The following IGFBP5 variants were observed in gnomAD, a reference collection of about 807,000 sequenced individuals.
IGFBP5 encodes the protein insulin-like growth factor-binding protein 5.
IGFBP5 carries 12 observed loss-of-function variants against 28.0 expected under a neutral mutation model. The ratio of observed to expected loss-of-function variants is 0.43; its 90% CI spans 0.27 to 0.69. The LOEUF is 0.69. Ranked by LOEUF, IGFBP5 falls within the 30% of genes least tolerant of loss-of-function variation. The pLI, the probability that IGFBP5 is intolerant of heterozygous loss-of-function variation, is 0.20. For synonymous variants in IGFBP5, 152 were observed against 150.2 expected (o/e 1.01, Z -0.09); for missense variants, 344 against 381.6 (o/e 0.90, Z 0.82).
At position 216,695,437 on chromosome 2, in the gene IGFBP5, A is replaced by C. The variant is rs1379939854; in HGVS notation, c.-662T>G. 6.6e-6 allele frequency: 1 copy of C among 152,270 alleles called. No individual in the cohort carries two copies. 9.4% of individuals were successfully genotyped at this position (152,270 alleles called of 1,614,324 possible). A position where few individuals can be genotyped will look rare whatever the true frequency, so the allele number is the denominator to read the frequency against. ...GCAGGTTCTACGCGAAGTCCGGAGA[A>C]GGGTGAAAACGGAGGAGGGGTAATG... On this transcript the variant is annotated 5_prime_UTR_variant, in exon 1 of 4. Transcript: ENST00000233813.
chr2:216,683,978 AGAG>A (rs1199950334), intron 1 of IGFBP5, among the ~76,000 whole-genome samples: 6 of 152,288 alleles, frequency 3.9e-5, no homozygotes. Flanking sequence ...CAGCATCCAC[AGAG>A]GCACACACAG....
Position 216,694,151 on chromosome 2 carries a change from G to T in IGFBP5, c.337+288C>A, listed in dbSNP as rs1689137579. On this transcript the variant is annotated intron_variant, in intron 1 of 3. Transcript: ENST00000233813. This position sits in a 1 kb window ranked among gnomAD's most constrained non-coding sequence, Gnocchi z 5.2. ...ACCAGGGGATTTGGACCTTGTGACCGAATAAGAGCTCAGAATCAGTATTCG... is the reference window on the plus strand; with the variant it reads ...ACCAGGGGATTTGGACCTTGTGACCTAATAAGAGCTCAGAATCAGTATTCG... Among the ~76,000 whole-genome samples, 1 of 150,558 alleles carries T rather than the reference G, an allele frequency of 6.6e-6. No homozygotes were observed. Among genetic ancestry groups the T allele is most frequent in the South Asian group, 2.1e-4 (1 of 4,694 alleles).
At chr2:216,686,474 C>T (rs3944005) in intron 1 of IGFBP5, among the ~76,000 whole-genome samples, 10 of 151,850 alleles carry the variant, frequency 6.6e-5, no homozygotes, top group South Asian at 2.1e-4. Context: ...AAATATTAGC[C>T]GGGCGTGGCA....
At chr2:216,690,243 A>G (rs1057364841) in intron 1 of IGFBP5, among the ~76,000 whole-genome samples, 2 of 152,176 alleles carry the variant, frequency 1.3e-5, no homozygotes, top group Admixed American at 1.3e-4. Context: ...AAGCAAATGT[A>G]AAACTAAACA....
chr2:216,691,880 TGCTGCAACTGCGGGAGGGAGGGG>T lies in IGFBP5; in HGVS notation c.337+2536_337+2558del, dbSNP rs1286844429. On this transcript the variant is annotated intron_variant, in intron 1 of 3. Coordinates refer to ENST00000233813, the MANE Select transcript of IGFBP5 (RefSeq NM_000599.4). Reference sequence around the variant, plus strand: ...GTGTGTGTGTGTGTGTGTGTGTGTATGCTGCAACTGCGGGAGGGAGGGGGCAAATCCATATCTGCAAGCTCAGA... The same window carrying T: ...GTGTGTGTGTGTGTGTGTGTGTGTATGCAAATCCATATCTGCAAGCTCAGA... Among the ~76,000 whole-genome samples, 5 of 109,124 alleles carry T rather than the reference TGCTGCAACTGCGGGAGGGAGGGG, an allele frequency of 4.6e-5. No individual in the cohort carries two copies. The South Asian group carries it at 9.9e-4, about 22-fold the overall frequency. The allele number at this position is 109,124 out of a possible 152,430, so 71.6% of individuals were successfully genotyped here. A position where few individuals can be genotyped will look rare whatever the true frequency, so the allele number is the denominator to read the frequency against.
intron 1 of IGFBP5, among the ~76,000 whole-genome samples, chr2:216,681,755 T>C (rs1477936183): frequency 2.0e-5 from 3 of 152,202 alleles, no homozygotes; most frequent in Non-Finnish European, 4.4e-5. Flanking sequence ...CTCTTTGGCC[T>C]TGGGGGACAC....
intron 1 of IGFBP5, among the ~76,000 whole-genome samples, chr2:216,681,049 AG>A (rs1321712303): frequency 1.3e-5 from 2 of 152,112 alleles, no homozygotes; most frequent in African/African-American, 4.8e-5. Context: ...GGCAGGAGGA[AG>A]GGAGAAGCAT....
chr2:216,676,596 A>C lies in IGFBP5; in HGVS notation c.*155T>G. On this transcript the variant is annotated 3_prime_UTR_variant, in exon 4 of 4. Coordinates refer to ENST00000233813, the MANE Select transcript of IGFBP5 (RefSeq NM_000599.4). Reference sequence around the variant, plus strand: ...CCATTTTCGAAGTTGAGCCCTTGCTAGAGATTCCGAGGTCCTCAGTTTCCT... The same window carrying C: ...CCATTTTCGAAGTTGAGCCCTTGCTCGAGATTCCGAGGTCCTCAGTTTCCT... The C allele has an allele frequency of 4.1e-6, 2 of 493,814 alleles. No individual in the cohort carries two copies. Among genetic ancestry groups the C allele is most frequent in the Non-Finnish European group, 3.6e-6 (1 of 278,468 alleles). 30.6% of individuals were successfully genotyped at this position (493,814 alleles called of 1,614,324 possible).
rs1348480959 is a variant in IGFBP5 at position 216,694,395 on chromosome 2, C to T, written c.337+44G>A. 2 of 1,429,614 alleles carry T rather than the reference C, an allele frequency of 1.4e-6. No homozygotes were observed. The highest frequency in any genetic ancestry group is 5.2e-5 in the Admixed American group (2 of 38,386). 88.6% of individuals were successfully genotyped at this position (1,429,614 alleles called of 1,614,324 possible). ...CGGGCCCAGCCGGTCTCGTGTCCCC[C>T]GCCCGTGCGCCGCGTAACTGACTGG... On this transcript the variant is annotated intron_variant, in intron 1 of 3. Coordinates refer to ENST00000233813, the MANE Select transcript of IGFBP5 (RefSeq NM_000599.4). This position sits in a 1 kb window ranked among gnomAD's most constrained non-coding sequence, Gnocchi z 5.2.
rs112245884 is a variant in IGFBP5, at chr2:216,672,517, CA to C, written c.*4233del. 149 of 135,130 alleles carry C rather than the reference CA, an allele frequency of 1.1e-3. No individual in the cohort carries two copies. The highest frequency in any genetic ancestry group is 1.2e-3 in the African/African-American group (44 of 36,926). The allele number at this position is 135,130 out of a possible 1,614,324, so 8.4% of individuals were successfully genotyped here. On this transcript the variant is annotated 3_prime_UTR_variant, in exon 4 of 4. Transcript: ENST00000233813. The stretch of plus-strand genomic sequence containing the variant: ...TATGTACTGTGGTTATTGCTGTCTT[CA>C]AAAAAAAAAAGAAAAAGAAAAACAA...
chr2:216,682,785 T>G (rs1574579752), intron 1 of IGFBP5, among the ~76,000 whole-genome samples: 1 of 151,500 alleles, frequency 6.6e-6, no homozygotes, highest in African/African-American at 2.4e-5. Context: ...CTCGGCTCAC[T>G]GTAAGCTCCG....
At chr2:216,678,805 A>G in intron 2 of IGFBP5, 45 bp downstream of exon 2, 1 of 1,518,538 alleles carries the variant, frequency 6.6e-7, no homozygotes, top group Non-Finnish European at 9.0e-7. Flanking sequence ...AGATGCAGGA[A>G]AAGGTCAAAA....
At chr2:216,689,789 A>G (rs561946519) in intron 1 of IGFBP5, among the ~76,000 whole-genome samples, 1 of 152,308 alleles carries the variant, frequency 6.6e-6, no homozygotes, top group East Asian at 1.9e-4. Flanking sequence ...TCCAGCTTTA[A>G]CATTATTTGG....
At chr2:216,691,190 C>A (rs905775972) in intron 1 of IGFBP5, among the ~76,000 whole-genome samples, 2 of 152,234 alleles carry the variant, frequency 1.3e-5, no homozygotes, top group Non-Finnish European at 2.9e-5. Context: ...CTCAAAGAAG[C>A]AAAGGCTGAA....
intron 1 of IGFBP5, among the ~76,000 whole-genome samples, chr2:216,683,753 C>T (rs2106220981): frequency 6.6e-6 from 1 of 152,304 alleles, no homozygotes; most frequent in East Asian, 1.9e-4. Flanking sequence ...CCAGACCTTA[C>T]CTTCATAACC....
At chr2:216,677,271 T>A (rs1427796873) in intron 3 of IGFBP5, among the ~76,000 whole-genome samples, 1 of 152,062 alleles carries the variant, frequency 6.6e-6, no homozygotes, top group African/African-American at 2.4e-5. Context: ...CCCATTTGAG[T>A]TCCCCCAACG....
rs1303885139 is a variant in IGFBP5 at position 216,675,963 on chromosome 2, T to A, written c.*788A>T. ...CAATATTGGGGCATGTATTGATTTC[T>A]AAAAAATGTCTGCCTGGGGAATGAA... On this transcript the variant is annotated 3_prime_UTR_variant, in exon 4 of 4. Coordinates refer to ENST00000233813, the MANE Select transcript of IGFBP5 (RefSeq NM_000599.4). 2.0e-5 allele frequency: 3 copies of A among 152,584 alleles called. No individual in the cohort carries two copies. The East Asian group carries it at 5.8e-4, about 29-fold the overall frequency. The allele number at this position is 152,584 out of a possible 1,614,324, so 9.5% of individuals were successfully genotyped here. A position where few individuals can be genotyped will look rare whatever the true frequency, so the allele number is the denominator to read the frequency against.
At chr2:216,682,337 G>A (rs894772418) in intron 1 of IGFBP5, among the ~76,000 whole-genome samples, 1 of 152,182 alleles carries the variant, frequency 6.6e-6, no homozygotes, top group Non-Finnish European at 1.5e-5. Context: ...GAGATTAAAG[G>A]GCTGGAAAGT....
rs771414455 is a variant in IGFBP5, at chr2:216,678,847, C to T, written c.567+3G>A. 3 of 1,610,004 alleles carry T rather than the reference C, an allele frequency of 1.9e-6. No individual in the cohort carries two copies. In the African/African-American group the frequency reaches 4.0e-5, roughly 21 times the overall value. ...AGGGAATGAGGGAATCCCCGAGATGCACCTGCTCAGACTCCTGTCTCATCT... is the reference window on the plus strand; with the variant it reads ...AGGGAATGAGGGAATCCCCGAGATGTACCTGCTCAGACTCCTGTCTCATCT... On this transcript the variant is annotated splice_donor_region_variant and intron_variant, in intron 2 of 3. Transcript: ENST00000233813.
Sources: gnomAD v4.1 joint callset for allele counts (sites outside exome capture counted in the v4.1 genomes callset) on GRCh38, gnomAD v4.1.1 for gene constraint, Gnocchi (gnomAD v3.1) non-coding constraint, MANE v1.5 for transcripts, NCBI Gene and HGNC (gene_info 2026-07-23, HGNC 2026-07-21) for gene names.